The following PTPRK variants were observed in gnomAD, a reference collection of about 807,000 sequenced individuals.
PTPRK encodes protein tyrosine phosphatase receptor type K, also known as receptor-type tyrosine-protein phosphatase kappa.
Under a neutral mutation model 178.0 loss-of-function variants are expected in PTPRK, and 75 were observed. That is an observed-to-expected ratio of 0.42 (90% confidence interval 0.35 to 0.51). The LOEUF (loss-of-function observed/expected upper bound fraction) is 0.51, where lower values mean the gene tolerates loss of function less well. Among genes scored for constraint, PTPRK ranks in the 20% least tolerant of loss-of-function variants. The probability of loss-of-function intolerance (pLI) is 0.02; values close to 1 mark genes in which losing one functional copy is unlikely to be tolerated. For synonymous variants in PTPRK, 637 were observed against 620.6 expected (o/e 1.03, Z -0.39); for missense variants, 1,441 against 1,797.8 (o/e 0.80, Z 3.59).
intron 3 of PTPRK, among the ~76,000 whole-genome samples, chr6:128,290,698 C>T (rs1273623250): frequency 3.3e-5 from 5 of 151,926 alleles, no homozygotes; most frequent in African/African-American, 1.2e-4. Context: ...AAACTTATAC[C>T]CTGTATGTTT....
chr6:128,351,580 C>G (rs2128337270), intron 2 of PTPRK, among the ~76,000 whole-genome samples: 2 of 152,228 alleles, frequency 1.3e-5, no homozygotes, highest in South Asian at 4.2e-4. Context: ...AAAATGTACC[C>G]CAGAGTTTAA....
At chr6:128,333,643 G>A (rs191917064) in intron 2 of PTPRK, among the ~76,000 whole-genome samples, 2 of 152,234 alleles carry the variant, frequency 1.3e-5, no homozygotes, top group Admixed American at 6.5e-5. Context: ...TCTGGATTAG[G>A]CTTTGGCTTA....
intron 6 of PTPRK, among the ~76,000 whole-genome samples, chr6:128,197,510 C>G (rs1300844382): frequency 6.6e-6 from 1 of 151,896 alleles, no homozygotes; most frequent in Non-Finnish European, 1.5e-5. Context: ...TTGAAATCTA[C>G]TTTCAAAATT....
At chr6:128,093,061 T>C (rs1787255628) in intron 7 of PTPRK, among the ~76,000 whole-genome samples, 1 of 152,098 alleles carries the variant, frequency 6.6e-6, no homozygotes, top group Admixed American at 6.6e-5. Flanking sequence ...TAAAAAACCA[T>C]AATGGTGGTG....
chr6:128,100,530 A>G (rs2114260809), intron 7 of PTPRK, among the ~76,000 whole-genome samples: 1 of 152,070 alleles, frequency 6.6e-6, no homozygotes, highest in Admixed American at 6.5e-5. Flanking sequence ...CTGAAACATT[A>G]GGGGAGCCTA....
chr6:128,423,731 G>A (rs973505718), intron 1 of PTPRK, among the ~76,000 whole-genome samples: 8 of 152,074 alleles, frequency 5.3e-5, no homozygotes, highest in Admixed American at 2.0e-4. Context: ...GGGAGGCTGA[G>A]GCAGGAGAAT....
chr6:128,508,713 G>A (rs1856725770), intron 1 of PTPRK, among the ~76,000 whole-genome samples: 1 of 151,922 alleles, frequency 6.6e-6, no homozygotes, highest in African/African-American at 2.4e-5. Flanking sequence ...GGAGGCTGAG[G>A]CGGCAGGTCA....
At chr6:128,312,356 T>C (rs1827361058) in intron 3 of PTPRK, among the ~76,000 whole-genome samples, 1 of 152,180 alleles carries the variant, frequency 6.6e-6, no homozygotes. Flanking sequence ...TGCCCTGCCA[T>C]GGGGAAGAGG....
At chr6:128,081,684 C>T (rs1027613753) in intron 10 of PTPRK, among the ~76,000 whole-genome samples, 1 of 151,872 alleles carries the variant, frequency 6.6e-6, no homozygotes, top group Admixed American at 6.6e-5. Flanking sequence ...TTTAACTCTT[C>T]ATTTACATAT....
At chr6:128,274,882 A>G (rs1030955628) in intron 3 of PTPRK, among the ~76,000 whole-genome samples, 1 of 152,064 alleles carries the variant, frequency 6.6e-6, no homozygotes, top group African/African-American at 2.4e-5. Flanking sequence ...ATAAATTAAA[A>G]TGGCCTTTTT....
intron 7 of PTPRK, among the ~76,000 whole-genome samples, chr6:128,169,798 T>TGTGTGG (rs1411605463): frequency 6.7e-6 from 1 of 150,374 alleles, no homozygotes; most frequent in Admixed American, 6.6e-5. Flanking sequence ...TGTGTGTGTG[T>TGTGTGG]GTGTGTGTGT....
At chr6:128,432,577 CT>C (rs1241606286) in intron 1 of PTPRK, among the ~76,000 whole-genome samples, 1 of 152,192 alleles carries the variant, frequency 6.6e-6, no homozygotes. Flanking sequence ...GCCTATGTCC[CT>C]GTTTCAGTCC....
chr6:127,990,822 C>T lies in PTPRK; in HGVS notation c.3043G>A (p.Val1015Ile), dbSNP rs1354520365. The T allele has an allele frequency of 6.2e-7, 1 of 1,612,246 alleles. No homozygotes were observed. The highest frequency in any genetic ancestry group is 8.5e-7 in the Non-Finnish European group (1 of 1,178,640). The change falls in exon 21 of 30, where the codon GTA becomes ATA. Residue 1015 changes from valine (V) to isoleucine (I), a missense_variant. By Grantham distance (29) the Val-to-Ile change is conservative. Coordinates refer to ENST00000368226, the MANE Select transcript of PTPRK (RefSeq NM_002844.4). ...TATTCAGCAAGTGGTTCCATTTCTACACACGTTACTTTGAAGTCACCATAA... is the reference window on the plus strand; with the variant it reads ...TATTCAGCAAGTGGTTCCATTTCTATACACGTTACTTTGAAGTCACCATAA... The part of the protein sequence containing the change: ...EVYGDFKVTC[V>I]EMEPLAEYVV...
chr6:128,365,721 G>A (rs959435490), intron 2 of PTPRK, among the ~76,000 whole-genome samples: 2 of 152,086 alleles, frequency 1.3e-5, no homozygotes, highest in African/African-American at 4.8e-5. Context: ...ACAGAGAACA[G>A]GTACCTCTCC....
chr6:127,995,462 A>G lies in PTPRK; in HGVS notation c.2844T>C (p.Asp948=). The G allele has an allele frequency of 6.3e-7, 1 of 1,584,750 alleles. No homozygotes were observed. Among genetic ancestry groups the G allele is most frequent in the Non-Finnish European group, 8.6e-7 (1 of 1,157,032 alleles). The change falls in exon 18 of 30, where the codon GAT becomes GAC. Residue 948 remains aspartate (D), a splice_region_variant and synonymous_variant. Coordinates refer to ENST00000368226, the MANE Select transcript of PTPRK (RefSeq NM_002844.4). ...CATACTTAACTATAAAAATACTTAC[A>G]TCAATATAGTTGGCATTAATATAAT... ...SSDYINANYI[D]GYQRPSHYIA... is the part of the protein sequence containing the mutation.
chr6:128,112,714 G>A (rs746772077), intron 7 of PTPRK, among the ~76,000 whole-genome samples: 6 of 152,180 alleles, frequency 3.9e-5, no homozygotes, highest in African/African-American at 1.4e-4. Flanking sequence ...AGGGGAAGAG[G>A]AGTCATAATC....
chr6:128,017,534 C>T (rs1362625693), intron 13 of PTPRK, among the ~76,000 whole-genome samples: 1 of 151,458 alleles, frequency 6.6e-6, no homozygotes, highest in Non-Finnish European at 1.5e-5. Context: ...TCTCAGACCT[C>T]AGACCACCTC....
chr6:128,497,530 A>G (rs2128434709), intron 1 of PTPRK, among the ~76,000 whole-genome samples: 1 of 152,320 alleles, frequency 6.6e-6, no homozygotes, highest in Middle Eastern at 3.4e-3. Flanking sequence ...TGAAATGAGT[A>G]AATAGAAAAT....
At position 128,303,793 on chromosome 6, in the gene PTPRK, C is replaced by T. The variant is rs552758173; in HGVS notation, c.495+18246G>A. ...TAAAATGAATTTTTTTTCTTTAAAA[C>T]AATCTATTTTTACATAGAATTTAAA... On this transcript the variant is annotated intron_variant, in intron 3 of 29. Transcript: ENST00000368226. 3.3e-5 allele frequency among the ~76,000 whole-genome samples: 5 copies of T among 152,224 alleles called. No homozygotes were observed. In the South Asian group the frequency reaches 1.0e-3, roughly 32 times the overall value.
Sources: allele counts gnomAD v4.1 joint callset (sites outside exome capture counted in the v4.1 genomes callset), GRCh38; gene constraint gnomAD v4.1.1; transcripts MANE v1.5; gene names NCBI Gene and HGNC (gene_info 2026-07-23, HGNC 2026-07-21).